CDH13: variants seen among roughly 807,000 people sequenced by gnomAD.
The protein encoded by CDH13 is cadherin-13.
Under a neutral mutation model 63.8 loss-of-function variants are expected in CDH13, and 24 were observed. The observed-to-expected ratio is 0.38, with a 90% CI of 0.27 to 0.53. The LOEUF (loss-of-function observed/expected upper bound fraction) is 0.53, where lower values mean the gene tolerates loss of function less well. Among genes scored for constraint, CDH13 ranks in the 20% least tolerant of loss-of-function variants. The pLI, the probability that CDH13 is intolerant of heterozygous loss-of-function variation, is 0.85. For missense variants in CDH13, 1,049 were observed against 903.1 expected, an observed-to-expected ratio of 1.16 and a Z score of -2.07; for synonymous variants, 503 against 355.3, an observed-to-expected ratio of 1.42 and a Z score of -4.67.
At chr16:83,493,548 A>G (rs2074068115) in intron 7 of CDH13, among the ~76,000 whole-genome samples, 1 of 152,210 alleles carries the variant, frequency 6.6e-6, no homozygotes, top group African/African-American at 2.4e-5. Flanking sequence ...GGAGTGCGGA[A>G]GCAGAAGGAA....
chr16:83,655,864 CA>C (rs1912822883), intron 8 of CDH13, among the ~76,000 whole-genome samples: 1 of 152,192 alleles, frequency 6.6e-6, no homozygotes, highest in African/African-American at 2.4e-5. Context: ...GAGAAAGTGG[CA>C]GGGGGGAAAA....
intron 6 of CDH13, among the ~76,000 whole-genome samples, chr16:83,407,384 C>A (rs2151451191): frequency 6.6e-6 from 1 of 152,310 alleles, no homozygotes; most frequent in East Asian, 1.9e-4. Flanking sequence ...CTGTGGTTAG[C>A]ACCATCCTCA....
intron 10 of CDH13, among the ~76,000 whole-genome samples, chr16:83,734,324 A>C (rs944586104): frequency 3.9e-5 from 6 of 152,296 alleles, no homozygotes; most frequent in Non-Finnish European, 8.8e-5. Context: ...CCAGGGAAGA[A>C]GGCTTTAATC....
intron 3 of CDH13, among the ~76,000 whole-genome samples, chr16:83,076,396 A>T (rs2032837033): frequency 6.6e-6 from 1 of 152,182 alleles, no homozygotes; most frequent in African/African-American, 2.4e-5. Context: ...GGATGCTTAG[A>T]CTGGCAGGAC....
chr16:83,161,349 CATCAA>C (rs1165811435), intron 4 of CDH13, among the ~76,000 whole-genome samples: 1 of 148,732 alleles, frequency 6.7e-6, no homozygotes, highest in Admixed American at 6.6e-5. Context: ...TTAAAGAAAT[CATCAA>C]ATAAATAAAT....
intron 1 of CDH13, among the ~76,000 whole-genome samples, chr16:82,844,293 A>T (rs1205397107): frequency 6.6e-6 from 1 of 152,112 alleles, no homozygotes; most frequent in Non-Finnish European, 1.5e-5. Context: ...GCTGGAGAAA[A>T]CACATTCTCC....
chr16:82,805,521 C>G (rs1168587083), intron 1 of CDH13, among the ~76,000 whole-genome samples: 1 of 152,054 alleles, frequency 6.6e-6, no homozygotes, highest in African/African-American at 2.4e-5. Flanking sequence ...GTTCGGGGGC[C>G]TATATGGAAC....
chr16:83,747,576 C>T (rs1219247856), intron 10 of CDH13, among the ~76,000 whole-genome samples: 7 of 149,300 alleles, frequency 4.7e-5, no homozygotes. Flanking sequence ...TTCTCTCTTC[C>T]TGGTTTGTCT....
At chr16:83,569,613 T>C (rs984725896) in intron 7 of CDH13, among the ~76,000 whole-genome samples, 1 of 152,256 alleles carries the variant, frequency 6.6e-6, no homozygotes, top group East Asian at 1.9e-4. Flanking sequence ...CCTAATTATC[T>C]TCTTCCCAAG....
intron 1 of CDH13, among the ~76,000 whole-genome samples, chr16:82,705,979 C>G (rs1597369983): frequency 6.6e-6 from 1 of 152,018 alleles, no homozygotes; most frequent in East Asian, 1.9e-4. Flanking sequence ...AAGTTTATAC[C>G]CAGGTTATCT....
At chr16:83,643,766 A>G (rs1911530393) in intron 8 of CDH13, among the ~76,000 whole-genome samples, 1 of 152,186 alleles carries the variant, frequency 6.6e-6, no homozygotes, top group African/African-American at 2.4e-5. Flanking sequence ...AATGAATGAG[A>G]CAGGTAGTAC....
intron 2 of CDH13, among the ~76,000 whole-genome samples, chr16:82,899,252 T>G (rs1316767778): frequency 3.9e-5 from 6 of 152,174 alleles, no homozygotes; most frequent in African/African-American, 9.7e-5. Context: ...GTAAGGGCAG[T>G]GTCAAATGAG....
chr16:83,188,327 C>T lies in CDH13; in HGVS notation c.484-29018C>T, dbSNP rs1474014560. ...AGCAATGGTGGTGGAAGGGGAGAGG[C>T]GTGGTTATGGCCGTATTCTGGATAT... On this transcript the variant is annotated intron_variant, in intron 4 of 13. Coordinates refer to ENST00000567109, the MANE Select transcript of CDH13 (RefSeq NM_001257.5). Among the ~76,000 whole-genome samples the T allele has an allele frequency of 3.9e-5, 6 of 152,196 alleles. No individual in the cohort carries two copies. The East Asian group carries it at 5.8e-4, about 15-fold the overall frequency.
At chr16:83,461,589 C>G (rs991169091) in intron 6 of CDH13, among the ~76,000 whole-genome samples, 6 of 152,152 alleles carry the variant, frequency 3.9e-5, no homozygotes, top group Middle Eastern at 3.2e-3. Flanking sequence ...TCAAAAGGAG[C>G]CTTCTGTACA....
At chr16:83,034,772 G>A (rs1237128350) in intron 3 of CDH13, among the ~76,000 whole-genome samples, 2 of 152,152 alleles carry the variant, frequency 1.3e-5, no homozygotes, top group East Asian at 1.9e-4. Context: ...CACCTTGAGG[G>A]CCTGGGAGAG....
At chr16:83,550,011 C>G (rs1417274378) in intron 7 of CDH13, among the ~76,000 whole-genome samples, 3 of 152,150 alleles carry the variant, frequency 2.0e-5, no homozygotes, top group East Asian at 1.9e-4. Context: ...CTTGGCTGAC[C>G]AAGCCAAAAA....
intron 7 of CDH13, among the ~76,000 whole-genome samples, chr16:83,490,533 G>A (rs547957729): frequency 4.1e-4 from 62 of 152,244 alleles, no homozygotes; most frequent in Admixed American, 1.5e-3. Context: ...CTCCTCTCCT[G>A]CTCCAAGGAT....
At chr16:83,712,825 A>G (rs928160779) in intron 10 of CDH13, among the ~76,000 whole-genome samples, 1 of 152,260 alleles carries the variant, frequency 6.6e-6, no homozygotes, top group African/African-American at 2.4e-5. Context: ...TAATAAAAGC[A>G]TAGAGGAGTA....
chr16:82,956,699 G>A (rs916541455), intron 2 of CDH13, among the ~76,000 whole-genome samples: 1 of 152,206 alleles, frequency 6.6e-6, no homozygotes, highest in Non-Finnish European at 1.5e-5. Flanking sequence ...GTTGAGCAGA[G>A]CCAAACCAAA....
Sources: gnomAD v4.1 joint callset for allele counts (sites outside exome capture counted in the v4.1 genomes callset) on GRCh38, gnomAD v4.1.1 for gene constraint, MANE v1.5 for transcripts, NCBI Gene and HGNC (gene_info 2026-07-23, HGNC 2026-07-21) for gene names.